SEMA3C: variants seen among roughly 807,000 people sequenced by gnomAD.
SEMA3C encodes the protein semaphorin 3C.
A neutral mutation model predicts 89.4 loss-of-function variants in SEMA3C; 47 were observed. That is an observed-to-expected ratio of 0.53 (90% CI 0.42 to 0.67). The LOEUF (loss-of-function observed/expected upper bound fraction) is 0.67. Ranked by LOEUF, SEMA3C falls within the 30% of genes least tolerant of loss-of-function variation. SEMA3C has a pLI of 0.00. For missense variants in SEMA3C, 839 were observed against 929.1 expected, an observed-to-expected ratio of 0.90 and a Z score of 1.26; for synonymous variants, 310 against 320.2, an observed-to-expected ratio of 0.97 and a Z score of 0.34.
At chr7:80,793,460 T>A (rs945025544) in intron 11 of SEMA3C, 2 of 450,668 alleles carry the variant, frequency 4.4e-6, no homozygotes, top group African/African-American at 2.0e-5. Context: ...GACACAAGAA[T>A]AAAAAATTAC....
chr7:80,899,547 G>A (rs373684893), intron 2 of SEMA3C, among the ~76,000 whole-genome samples: 128 of 152,098 alleles, frequency 8.4e-4, no homozygotes, highest in African/African-American at 2.8e-3. Flanking sequence ...TACCACCCTG[G>A]AGACAGCATT....
In SEMA3C at chr7:80,823,341, C is replaced by T. The variant is rs1355605585; in HGVS notation, c.327+4084G>A. On this transcript the variant is annotated intron_variant, in intron 4 of 17. Transcript: ENST00000265361. ...ACCAAGATGTACAGAAAGTTTAAGT[C>T]TCCAAGGTCGAAGAGCTAATAAGAG... Among the ~76,000 whole-genome samples the T allele has an allele frequency of 2.9e-4, 44 of 152,130 alleles. 1 individual carries two copies. The highest frequency in any genetic ancestry group is 2.9e-3 in the Admixed American group (44 of 15,272).
intron 2 of SEMA3C, among the ~76,000 whole-genome samples, chr7:80,850,064 G>A (rs1013925148): frequency 2.6e-5 from 4 of 151,978 alleles, no homozygotes; most frequent in African/African-American, 9.7e-5. Context: ...GAATATAAAC[G>A]AAAACTATGA....
intron 15 of SEMA3C, among the ~76,000 whole-genome samples, chr7:80,756,527 T>C (rs1016286156): frequency 6.6e-6 from 1 of 152,198 alleles, no homozygotes; most frequent in Non-Finnish European, 1.5e-5. Flanking sequence ...ATCATTCACA[T>C]GGTCACAGCT....
At chr7:80,872,252 G>A (rs1791077480) in intron 2 of SEMA3C, among the ~76,000 whole-genome samples, 1 of 152,036 alleles carries the variant, frequency 6.6e-6, no homozygotes, top group Admixed American at 6.5e-5. Context: ...CCAGGTTCAA[G>A]CCATTCTCCA....
intron 2 of SEMA3C, among the ~76,000 whole-genome samples, chr7:80,910,448 T>G (rs1000850541): frequency 6.6e-6 from 1 of 152,206 alleles, no homozygotes; most frequent in Admixed American, 6.5e-5. Context: ...AAATAGCACA[T>G]GGCTCAGCAC....
intron 2 of SEMA3C, among the ~76,000 whole-genome samples, chr7:80,842,663 C>T (rs534395929): frequency 6.6e-6 from 1 of 152,244 alleles, no homozygotes; most frequent in Non-Finnish European, 1.5e-5. Flanking sequence ...CAGACATTTT[C>T]ATTCCTGAAT....
At chr7:80,773,098 T>G (rs1788470437) in intron 12 of SEMA3C, among the ~76,000 whole-genome samples, 1 of 152,202 alleles carries the variant, frequency 6.6e-6, no homozygotes, top group South Asian at 2.1e-4. Flanking sequence ...GTTGTCTGCA[T>G]TTAATCAAAG....
rs748701006 is a variant in SEMA3C at position 80,751,328 on chromosome 7, C to T, written c.1652G>A (p.Arg551Gln). 15 of 1,613,796 alleles carry T rather than the reference C, an allele frequency of 9.3e-6. No homozygotes were observed. The highest frequency in any genetic ancestry group is 4.5e-5 in the East Asian group (2 of 44,858). The change falls in exon 16 of 18, where the codon CGA becomes CAA. Residue 551 changes from arginine to glutamine, a missense_variant. By Grantham distance (43) the Arg-to-Gln change is conservative. Transcript: ENST00000265361. ...GTTTCCATGTCTCACATCTTGTCTT[C>T]GGCTCCTCCTGCAAGTGCAGAAATA... ...RFYPTGKRRS[R>Q]RQDVRHGNPL...
chr7:80,895,995 A>G (rs1407338240), intron 2 of SEMA3C, among the ~76,000 whole-genome samples: 2 of 151,462 alleles, frequency 1.3e-5, no homozygotes, highest in Non-Finnish European at 2.9e-5. Flanking sequence ...TGTGAAATAA[A>G]AAGAAAATAT....
chr7:80,784,571 T>TA (rs1048818926), intron 12 of SEMA3C, among the ~76,000 whole-genome samples: 2 of 152,114 alleles, frequency 1.3e-5, no homozygotes. Flanking sequence ...ATTAATTTTT[T>TA]AAAAAATTTA....
intron 11 of SEMA3C, chr7:80,793,463 A>G (rs1388877323): frequency 2.2e-6 from 1 of 451,228 alleles, no homozygotes; most frequent in Admixed American, 2.4e-5. Flanking sequence ...ACAAGAATAA[A>G]AAATTACTGT....
At position 80,759,228 on chromosome 7, in the gene SEMA3C, C is replaced by T. The variant is rs1318830669; in HGVS notation, c.1486-740G>A. Among the ~76,000 whole-genome samples, 3 of 152,210 alleles carry T rather than the reference C, an allele frequency of 2.0e-5. No individual in the cohort carries two copies. In the East Asian group the frequency reaches 5.8e-4, roughly 29 times the overall value. On this transcript the variant is annotated intron_variant, in intron 14 of 17. Coordinates refer to ENST00000265361, the MANE Select transcript of SEMA3C (RefSeq NM_006379.5). ...GTTCTCAGGAGCTGAAGGAATGAGT[C>T]TCTAATTGATACTCCTTACTTTCCA...
At chr7:80,779,347 A>C (rs975864063) in intron 12 of SEMA3C, among the ~76,000 whole-genome samples, 4 of 152,210 alleles carry the variant, frequency 2.6e-5, no homozygotes, top group Non-Finnish European at 5.9e-5. Flanking sequence ...TATTTTAAAA[A>C]AAAGGAATTC....
intron 11 of SEMA3C, among the ~76,000 whole-genome samples, chr7:80,790,367 G>C (rs1562876266): frequency 6.6e-6 from 1 of 151,848 alleles, no homozygotes; most frequent in Non-Finnish European, 1.5e-5. Context: ...GAGAGAAGAA[G>C]AGAAGAAGAA....
intron 15 of SEMA3C, among the ~76,000 whole-genome samples, chr7:80,756,946 G>A (rs980816273): frequency 2.0e-5 from 3 of 151,852 alleles, no homozygotes; most frequent in Non-Finnish European, 2.9e-5. Flanking sequence ...ATTTATTATC[G>A]ATCTTTTCTC....
chr7:80,914,665 C>T (rs1792228040), intron 2 of SEMA3C, among the ~76,000 whole-genome samples: 2 of 152,026 alleles, frequency 1.3e-5, no homozygotes, highest in Non-Finnish European at 2.9e-5. Flanking sequence ...CCTAAGAGTA[C>T]CAGTAATACA....
chr7:80,824,338 C>G (rs1159891434), intron 4 of SEMA3C, among the ~76,000 whole-genome samples: 1 of 152,098 alleles, frequency 6.6e-6, no homozygotes, highest in Non-Finnish European at 1.5e-5. Flanking sequence ...ATAAACTCAT[C>G]ATCTACTGTG....
chr7:80,881,164 A>AACACACACACACACAC (rs71802410), intron 2 of SEMA3C, among the ~76,000 whole-genome samples: 1 of 135,434 alleles, frequency 7.4e-6, no homozygotes, highest in Non-Finnish European at 1.6e-5. Context: ...TGGAGAAAGA[A>AACACACACACACACAC]ACACACACAC....
Sources: gnomAD v4.1 joint callset for allele counts (sites outside exome capture counted in the v4.1 genomes callset) on GRCh38, gnomAD v4.1.1 for gene constraint, MANE v1.5 for transcripts, NCBI Gene and HGNC (gene_info 2026-07-23, HGNC 2026-07-21) for gene names.